BTBD10: variants seen among roughly 807,000 people sequenced by gnomAD.
BTBD10 encodes BTB domain containing 10, also known as BTB/POZ domain-containing protein 10.
A neutral mutation model predicts 53.2 loss-of-function variants in BTBD10; 21 were observed. The observed-to-expected ratio is 0.39, with a 90% CI of 0.28 to 0.57. The LOEUF (loss-of-function observed/expected upper bound fraction) is 0.57, where lower values mean the gene tolerates loss of function less well. BTBD10 is among the 20% of genes least tolerant of loss of function. BTBD10 has a pLI of 0.53. For synonymous variants in BTBD10, 149 were observed against 192.7 expected, an observed-to-expected ratio of 0.77 and a Z score of 1.88; for missense variants, 360 against 594.7, an observed-to-expected ratio of 0.61 and a Z score of 4.10.
chr11:13,454,095 T>C (rs578099253), intron 1 of BTBD10, among the ~76,000 whole-genome samples: 1 of 152,086 alleles, frequency 6.6e-6, no homozygotes, highest in Admixed American at 6.5e-5. Context: ...CTGAAGGACA[T>C]TTCACTTAAT....
intron 7 of BTBD10, among the ~76,000 whole-genome samples, chr11:13,403,972 C>A (rs1053057253): frequency 6.6e-6 from 1 of 152,140 alleles, no homozygotes; most frequent in Non-Finnish European, 1.5e-5. Context: ...GGACATTCCT[C>A]GCCTTCTCTC....
At chr11:13,397,074 T>C (rs1190061594) in intron 8 of BTBD10, among the ~76,000 whole-genome samples, 1 of 152,224 alleles carries the variant, frequency 6.6e-6, no homozygotes, top group Non-Finnish European at 1.5e-5. Context: ...TTAGGAAAGA[T>C]TCCATCTTTT....
chr11:13,420,141 A>C (rs955827015), intron 3 of BTBD10, among the ~76,000 whole-genome samples: 2 of 152,162 alleles, frequency 1.3e-5, no homozygotes. Flanking sequence ...AAGAATACCA[A>C]TTTAAGCTGT....
intron 2 of BTBD10, among the ~76,000 whole-genome samples, chr11:13,434,484 C>T (rs1428647961): frequency 6.6e-6 from 1 of 152,088 alleles, no homozygotes. Context: ...ATTCAAGAAG[C>T]CCAGGGTTGC....
chr11:13,403,608 A>G (rs1052202930), intron 7 of BTBD10, among the ~76,000 whole-genome samples: 2 of 152,234 alleles, frequency 1.3e-5, no homozygotes, highest in Admixed American at 1.3e-4. Context: ...TCCAAAGAAG[A>G]TATCAATATC....
intron 2 of BTBD10, among the ~76,000 whole-genome samples, chr11:13,425,157 G>A (rs1342472926): frequency 6.6e-6 from 1 of 152,142 alleles, no homozygotes; most frequent in Non-Finnish European, 1.5e-5. Context: ...CACTCATACA[G>A]GGTCAGGAAT....
intron 1 of BTBD10, among the ~76,000 whole-genome samples, chr11:13,448,547 T>C (rs907858963): frequency 6.6e-6 from 1 of 152,334 alleles, no homozygotes; most frequent in Non-Finnish European, 1.5e-5. Context: ...CTAAAAACTT[T>C]GAAGTCATCC....
At chr11:13,390,632 CA>C (rs553505189) in intron 8 of BTBD10, among the ~76,000 whole-genome samples, 153 of 152,250 alleles carry the variant, frequency 1.0e-3, no homozygotes, top group African/African-American at 3.4e-3. Context: ...CCACTGCGCC[CA>C]GCCACATGTG....
intron 6 of BTBD10, among the ~76,000 whole-genome samples, chr11:13,412,750 T>C (rs1949990028): frequency 1.3e-5 from 2 of 152,196 alleles, no homozygotes; most frequent in South Asian, 4.1e-4. Context: ...TCTTCCACGA[T>C]CCTTAGCCCA....
intron 8 of BTBD10, among the ~76,000 whole-genome samples, chr11:13,401,010 G>C: frequency 6.6e-6 from 1 of 152,082 alleles, no homozygotes; most frequent in Non-Finnish European, 1.5e-5. Flanking sequence ...GGAGACCACT[G>C]AGAAATTTTA....
intron 2 of BTBD10, among the ~76,000 whole-genome samples, chr11:13,439,372 G>C (rs1950605464): frequency 6.6e-6 from 1 of 152,010 alleles, no homozygotes; most frequent in Admixed American, 6.5e-5. Context: ...CAGTTTCTGG[G>C]TTCTTTGACT....
intron 5 of BTBD10, among the ~76,000 whole-genome samples, chr11:13,414,669 A>AT (rs1307871637): frequency 6.8e-6 from 1 of 146,460 alleles, no homozygotes; most frequent in Non-Finnish European, 1.5e-5. Flanking sequence ...AAAAATAATA[A>AT]AAAAAAAAAA....
At chr11:13,389,936 C>T (rs775457846) in intron 8 of BTBD10, among the ~76,000 whole-genome samples, 1 of 152,052 alleles carries the variant, frequency 6.6e-6, no homozygotes, top group Non-Finnish European at 1.5e-5. Context: ...AATATTTTAA[C>T]CTCCCATATC....
At chr11:13,395,321 T>C (rs1262165303) in intron 8 of BTBD10, among the ~76,000 whole-genome samples, 1 of 152,198 alleles carries the variant, frequency 6.6e-6, no homozygotes, top group African/African-American at 2.4e-5. Flanking sequence ...TCATGTGTTT[T>C]TTGGCTGCAT....
intron 1 of BTBD10, 142 bp downstream of exon 1, chr11:13,462,950 G>A (rs1259105212): frequency 2.0e-5 from 3 of 152,694 alleles, no homozygotes; most frequent in African/African-American, 7.2e-5. Context: ...CGGTACCCGA[G>A]CAGGGTCCGG....
intron 8 of BTBD10, among the ~76,000 whole-genome samples, chr11:13,396,273 T>C (rs1014217055): frequency 1.3e-5 from 2 of 152,272 alleles, no homozygotes; most frequent in Admixed American, 6.5e-5. Context: ...TAAGTTGGAT[T>C]CCTAGGTATT....
intron 1 of BTBD10, among the ~76,000 whole-genome samples, chr11:13,448,178 C>A (rs900770134): frequency 2.0e-5 from 3 of 152,052 alleles, no homozygotes; most frequent in African/African-American, 7.2e-5. Context: ...TTCCTGTACT[C>A]AAAAAACTCA....
intron 2 of BTBD10, among the ~76,000 whole-genome samples, chr11:13,429,621 A>G (rs1487668494): frequency 6.6e-6 from 1 of 152,120 alleles, no homozygotes; most frequent in Non-Finnish European, 1.5e-5. Flanking sequence ...CTAGAGAAAA[A>G]AAAAAAAGAA....
At chr11:13,407,474 G>A (rs1299387455) in intron 6 of BTBD10, among the ~76,000 whole-genome samples, 2 of 152,064 alleles carry the variant, frequency 1.3e-5, no homozygotes, top group African/African-American at 4.8e-5. Context: ...ATCCACTCAA[G>A]TTTTCAGAAC....
Sources: allele counts gnomAD v4.1 joint callset (sites outside exome capture counted in the v4.1 genomes callset), GRCh38; gene constraint gnomAD v4.1.1; transcripts MANE v1.5; gene names NCBI Gene and HGNC (gene_info 2026-07-23, HGNC 2026-07-21).